Variants in EPHA5 observed in about 807,000 individuals in gnomAD.
The protein encoded by EPHA5 is ephrin type-A receptor 5.
A neutral mutation model predicts 105.0 loss-of-function variants in EPHA5; 60 were observed. That is an observed-to-expected ratio of 0.57 (90% CI 0.46 to 0.71). The LOEUF (loss-of-function observed/expected upper bound fraction) is 0.71, where lower values mean the gene tolerates loss of function less well. Among genes scored for constraint, EPHA5 ranks in the 30% least tolerant of loss-of-function variants. The probability of loss-of-function intolerance (pLI) is 0.00; values close to 1 mark genes in which losing one functional copy is unlikely to be tolerated. For missense variants in EPHA5, 1,218 were observed against 1,274.7 expected (o/e 0.96, Z 0.68); for synonymous variants, 513 against 449.1 (o/e 1.14, Z -1.80).
intron 13 of EPHA5, among the ~76,000 whole-genome samples, chr4:65,348,668 A>G (rs1238435350): frequency 4.3e-4 from 6 of 14,040 alleles, no homozygotes; most frequent in South Asian, 3.8e-3. Flanking sequence ...AGATATATAT[A>G]TATATATATA....
In EPHA5 at chr4:65,376,871, A is replaced by G. The variant is rs185805838; in HGVS notation, c.1794-9447T>C. On this transcript the variant is annotated intron_variant, in intron 8 of 16. Coordinates refer to ENST00000613740, the MANE Select transcript of EPHA5 (RefSeq NM_001281766.3). ...ATAATCCATTGTGAAATCACTTGTT[A>G]GGATTCACCTTGGGGAGCCAGTTTT... 289 of 652,760 alleles carry G rather than the reference A, an allele frequency of 4.4e-4. No individual in the cohort carries two copies. The African/African-American group carries it at 4.9e-3, about 11-fold the overall frequency. The allele number at this position is 652,760 out of a possible 1,614,324, so 40.4% of individuals were successfully genotyped here.
rs549674644 is a variant in EPHA5, at chr4:65,559,757, C to A, written c.910+41884G>T. ...TAATAATGCCAGCAACTTCAGGGAC[C>A]CTTAGTCTGAATTTATTAATATCTT... On this transcript the variant is annotated intron_variant, in intron 3 of 16. Coordinates refer to ENST00000613740, the MANE Select transcript of EPHA5 (RefSeq NM_001281766.3). Among the ~76,000 whole-genome samples, 69 of 152,062 alleles carry A rather than the reference C, an allele frequency of 4.5e-4. 1 individual carries two copies. The highest frequency in any genetic ancestry group is 1.6e-3 in the African/African-American group (67 of 41,474).
intron 2 of EPHA5, among the ~76,000 whole-genome samples, chr4:65,619,551 C>T (rs1285534490): frequency 6.6e-6 from 1 of 152,016 alleles, no homozygotes; most frequent in Admixed American, 6.6e-5. Flanking sequence ...TTGATTTATG[C>T]AGCATGGTTT....
intron 3 of EPHA5, among the ~76,000 whole-genome samples, chr4:65,511,453 A>G (rs1267663673): frequency 6.6e-6 from 1 of 152,158 alleles, no homozygotes; most frequent in East Asian, 1.9e-4. Flanking sequence ...TATGTATAGT[A>G]ATGGTAAGAT....
At chr4:65,333,516 CGTGTGCGTGTGAGAGTGTGTGTCTGT>C (rs1285793936) in intron 15 of EPHA5, among the ~76,000 whole-genome samples, 1 of 145,376 alleles carries the variant, frequency 6.9e-6, no homozygotes, top group East Asian at 2.1e-4. Context: ...CAATTGTGTG[CGTGTGCGTGTGAGAGTGTGTGTCTGT>C]GTGTGTGTGT....
At chr4:65,400,973 T>C (rs971592770) in intron 8 of EPHA5, among the ~76,000 whole-genome samples, 2 of 151,986 alleles carry the variant, frequency 1.3e-5, no homozygotes, top group Non-Finnish European at 2.9e-5. Context: ...TGGGTTATCA[T>C]ATCATATTCC....
intron 1 of EPHA5, among the ~76,000 whole-genome samples, chr4:65,647,352 A>C (rs1748209594): frequency 7.0e-6 from 1 of 143,224 alleles, no homozygotes; most frequent in Non-Finnish European, 1.5e-5. Flanking sequence ...AAAAAAAAAA[A>C]GAAGTTTAGA....
chr4:65,401,720 T>C (rs1180198421), intron 8 of EPHA5, among the ~76,000 whole-genome samples: 4 of 152,138 alleles, frequency 2.6e-5, no homozygotes, highest in Admixed American at 2.6e-4. Flanking sequence ...TTTTTAAAAG[T>C]AATTACACTT....
chr4:65,378,253 T>C (rs1014142448), intron 8 of EPHA5, among the ~76,000 whole-genome samples: 15 of 151,946 alleles, frequency 9.9e-5, no homozygotes, highest in African/African-American at 3.6e-4. Flanking sequence ...AATTGCTACG[T>C]AACATTTATT....
intron 3 of EPHA5, among the ~76,000 whole-genome samples, chr4:65,510,287 A>G (rs1303900647): frequency 6.6e-6 from 1 of 151,184 alleles, no homozygotes; most frequent in Non-Finnish European, 1.5e-5. Flanking sequence ...TCAGGTGATC[A>G]GCCCACCTCG....
intron 5 of EPHA5, among the ~76,000 whole-genome samples, chr4:65,450,211 G>A (rs2149105485): frequency 6.6e-6 from 1 of 152,276 alleles, no homozygotes; most frequent in South Asian, 2.1e-4. Flanking sequence ...GAGATTGTGA[G>A]AGAGAAGAAA....
intron 8 of EPHA5, among the ~76,000 whole-genome samples, chr4:65,368,397 T>G (rs2148898936): frequency 6.6e-6 from 1 of 152,320 alleles, no homozygotes; most frequent in South Asian, 2.1e-4. Flanking sequence ...TCTTTACTTC[T>G]TTCAACCATA....
At chr4:65,587,628 C>T (rs908949872) in intron 3 of EPHA5, among the ~76,000 whole-genome samples, 1 of 152,130 alleles carries the variant, frequency 6.6e-6, no homozygotes, top group African/African-American at 2.4e-5. Context: ...GTTAAAAAGT[C>T]TAGTTCGGTT....
At chr4:65,354,869 A>G (rs1577899464) in intron 11 of EPHA5, among the ~76,000 whole-genome samples, 1 of 151,874 alleles carries the variant, frequency 6.6e-6, no homozygotes. Flanking sequence ...TCACTTAATT[A>G]TCTTCTTATA....
chr4:65,336,321 T>C (rs1053609232), intron 14 of EPHA5, among the ~76,000 whole-genome samples, 196 bp from the exon 15 acceptor site: 2 of 152,080 alleles, frequency 1.3e-5, no homozygotes, highest in African/African-American at 4.8e-5. Context: ...ACTATCATAA[T>C]ATAAAAAGAT....
At chr4:65,572,412 C>G (rs1740284845) in intron 3 of EPHA5, among the ~76,000 whole-genome samples, 1 of 152,136 alleles carries the variant, frequency 6.6e-6, no homozygotes, top group Non-Finnish European at 1.5e-5. Context: ...GGACTTGAAA[C>G]ATAATCAAGG....
At chr4:65,664,849 A>G (rs1477619980) in intron 1 of EPHA5, among the ~76,000 whole-genome samples, 2 of 151,868 alleles carry the variant, frequency 1.3e-5, no homozygotes, top group Non-Finnish European at 3.0e-5. Context: ...ACTACGATCA[A>G]TTTTTACTGA....
chr4:65,398,628 C>G (rs1294473386), intron 8 of EPHA5, among the ~76,000 whole-genome samples: 3 of 152,138 alleles, frequency 2.0e-5, no homozygotes, highest in East Asian at 3.9e-4. Context: ...ACACTTTCTT[C>G]CTTTGGAAGC....
intron 3 of EPHA5, among the ~76,000 whole-genome samples, chr4:65,570,531 T>C (rs1740020351): frequency 6.6e-6 from 1 of 151,778 alleles, no homozygotes; most frequent in South Asian, 2.1e-4. Flanking sequence ...ATTGATTTAA[T>C]ATCTTAGTCA....
Sources: allele counts gnomAD v4.1 joint callset (sites outside exome capture counted in the v4.1 genomes callset), GRCh38; gene constraint gnomAD v4.1.1; transcripts MANE v1.5; gene names NCBI Gene and HGNC (gene_info 2026-07-23, HGNC 2026-07-21).